SNX29: variants seen among roughly 807,000 people sequenced by gnomAD.
The protein encoded by SNX29 is sorting nexin 29.
SNX29 carries 78 observed loss-of-function variants against 102.1 expected under a neutral mutation model. The ratio of observed to expected loss-of-function variants is 0.76; its 90% CI spans 0.64 to 0.92. The LOEUF (loss-of-function observed/expected upper bound fraction) is 0.92, where lower values mean the gene tolerates loss of function less well. Ranked by LOEUF, SNX29 falls within the 40% of genes least tolerant of loss-of-function variation. The pLI, the probability that SNX29 is intolerant of heterozygous loss-of-function variation, is 0.00. For missense variants in SNX29, 1,280 were observed against 1,061.7 expected (o/e 1.21, Z -2.86); for synonymous variants, 580 against 414.5 (o/e 1.40, Z -4.85).
intron 3 of SNX29, among the ~76,000 whole-genome samples, chr16:12,025,010 G>A (rs1462370276): frequency 1.3e-5 from 2 of 151,998 alleles, no homozygotes; most frequent in Admixed American, 6.6e-5. Context: ...CTTAAAATAT[G>A]TGCTTATGAG....
At chr16:12,093,380 CAGG>C (rs2151415903) in intron 11 of SNX29, among the ~76,000 whole-genome samples, 1 of 152,274 alleles carries the variant, frequency 6.6e-6, no homozygotes, top group Admixed American at 6.5e-5. Flanking sequence ...GAGGACAAGG[CAGG>C]AGGATTGCTT....
At chr16:12,124,814 T>C (rs2054134813) in intron 11 of SNX29, among the ~76,000 whole-genome samples, 1 of 152,212 alleles carries the variant, frequency 6.6e-6, no homozygotes, top group South Asian at 2.1e-4. Context: ...TTTGTGGTTC[T>C]GTCTTCTGAA....
At chr16:12,473,191 A>G (rs1197078494) in intron 18 of SNX29, among the ~76,000 whole-genome samples, 1 of 152,228 alleles carries the variant, frequency 6.6e-6, no homozygotes, top group Non-Finnish European at 1.5e-5. Context: ...TTAGTTAAGT[A>G]TATGTAATTC....
chr16:12,476,423 T>TATATAC, intron 18 of SNX29, among the ~76,000 whole-genome samples: 21 of 73,980 alleles, frequency 2.8e-4, no homozygotes, highest in Non-Finnish European at 4.9e-4. Flanking sequence ...CATATATATA[T>TATATAC]ATATATATAT....
chr16:12,541,069 T>C (rs185590780), intron 20 of SNX29, among the ~76,000 whole-genome samples: 4 of 152,304 alleles, frequency 2.6e-5, no homozygotes, highest in Middle Eastern at 3.4e-3. Context: ...TCCTGAGTTA[T>C]TGACTAGCTG....
At chr16:12,131,157 C>T (rs1407412174) in intron 13 of SNX29, among the ~76,000 whole-genome samples, 1 of 152,188 alleles carries the variant, frequency 6.6e-6, no homozygotes, top group Non-Finnish European at 1.5e-5. Context: ...GCTCTCACAG[C>T]CATGGGATCC....
intron 16 of SNX29, among the ~76,000 whole-genome samples, chr16:12,386,614 G>A (rs1457277585): frequency 6.6e-6 from 1 of 152,190 alleles, no homozygotes; most frequent in African/African-American, 2.4e-5. Context: ...CCATTCCAGA[G>A]AAGGAGTCTG....
At chr16:12,213,985 C>T (rs547423716) in intron 14 of SNX29, among the ~76,000 whole-genome samples, 64 of 152,216 alleles carry the variant, frequency 4.2e-4, no homozygotes, top group African/African-American at 1.4e-3. Flanking sequence ...ATCAAGCCAC[C>T]CCTTTTTGCC....
intron 16 of SNX29, among the ~76,000 whole-genome samples, chr16:12,364,981 C>T (rs1393352462): frequency 6.6e-6 from 1 of 152,056 alleles, no homozygotes; most frequent in Non-Finnish European, 1.5e-5. Context: ...TTTCCTTGCA[C>T]CCTCTAGGCA....
chr16:12,060,746 A>T (rs2050739003), intron 8 of SNX29: 1 of 455,938 alleles, frequency 2.2e-6, no homozygotes, highest in Non-Finnish European at 4.4e-6. Flanking sequence ...GATTGCTCAG[A>T]GGCAAGTGCT....
chr16:12,156,374 A>G (rs757573680), intron 13 of SNX29, among the ~76,000 whole-genome samples: 7 of 152,150 alleles, frequency 4.6e-5, no homozygotes, highest in Non-Finnish European at 8.8e-5. Flanking sequence ...GTGTTTTGCC[A>G]TGTTGGCCAG....
At chr16:12,470,553 G>A (rs1487196788) in intron 18 of SNX29, among the ~76,000 whole-genome samples, 1 of 152,154 alleles carries the variant, frequency 6.6e-6, no homozygotes, top group Non-Finnish European at 1.5e-5. Context: ...AGAAGCCCGG[G>A]GAACGCTTCC....
chr16:12,053,817 G>C (rs956112369), intron 8 of SNX29, among the ~76,000 whole-genome samples: 4 of 152,018 alleles, frequency 2.6e-5, no homozygotes, highest in African/African-American at 9.7e-5. Flanking sequence ...TATATTGTAA[G>C]ACGTCTAGCA....
intron 14 of SNX29, among the ~76,000 whole-genome samples, chr16:12,217,501 C>G (rs73504114): frequency 0.03 from 4,589 of 152,256 alleles, 228 homozygotes; most frequent in African/African-American, 0.11. Flanking sequence ...TGTCTAACAC[C>G]TGTAGACAGG....
chr16:12,559,063 G>C (rs1185778151), intron 20 of SNX29, among the ~76,000 whole-genome samples: 1 of 152,116 alleles, frequency 6.6e-6, no homozygotes, highest in Non-Finnish European at 1.5e-5. Context: ...GCAATGTAGA[G>C]GTCTACCGCT....
At chr16:12,503,882 A>T (rs28418532) in intron 19 of SNX29, among the ~76,000 whole-genome samples, 2 of 152,158 alleles carry the variant, frequency 1.3e-5, no homozygotes, top group African/African-American at 2.4e-5. Flanking sequence ...TTCTTTTTTT[A>T]AAAAAAGTTT....
Position 12,048,505 on chromosome 16 carries a change from G to T in SNX29, c.633G>T (p.Thr211=). ...QNVTSLLKES[T]QGVSSLFREI... is the part of the protein sequence containing the mutation. ...TGACCTCCTTGCTGAAGGAGTCCAC[G>T]CAAGGAGTGAGCAGCCTGTTCAGGG... is the stretch of plus-strand genomic sequence containing the variant. The change falls in exon 7 of 21, where the codon ACG becomes ACT. Residue 211 remains threonine, a synonymous_variant. Coordinates refer to ENST00000566228, the MANE Select transcript of SNX29 (RefSeq NM_032167.5). The T allele has an allele frequency of 6.2e-7, 1 of 1,613,902 alleles. No individual in the cohort carries two copies. The highest frequency in any genetic ancestry group is 8.5e-7 in the Non-Finnish European group (1 of 1,179,856).
At chr16:12,122,267 C>T (rs113603663) in intron 11 of SNX29, among the ~76,000 whole-genome samples, 3,820 of 152,182 alleles carry the variant, frequency 0.025, 93 homozygotes, top group African/African-American at 0.063. Flanking sequence ...CGTCTCTTGT[C>T]AGCCTGTGGC....
intron 20 of SNX29, among the ~76,000 whole-genome samples, chr16:12,561,772 C>T (rs573969884): frequency 6.6e-6 from 1 of 152,288 alleles, no homozygotes; most frequent in East Asian, 1.9e-4. Context: ...CACCAAAGCA[C>T]ATGTCAGGAC....
Sources: gnomAD v4.1 joint callset for allele counts (sites outside exome capture counted in the v4.1 genomes callset) on GRCh38, gnomAD v4.1.1 for gene constraint, MANE v1.5 for transcripts, NCBI Gene and HGNC (gene_info 2026-07-23, HGNC 2026-07-21) for gene names.